Variants in PLXNA4 observed in about 807,000 individuals in gnomAD.
PLXNA4 encodes plexin A4.
A neutral mutation model predicts 191.8 loss-of-function variants in PLXNA4; 44 were observed. The observed-to-expected ratio is 0.23, with a 90% confidence interval of 0.18 to 0.29. PLXNA4 has a LOEUF of 0.29. PLXNA4 is among the 10% of genes least tolerant of loss of function. The pLI is 1.00. For synonymous variants in PLXNA4, 1,082 were observed against 1,009.5 expected (o/e 1.07, Z -1.36); for missense variants, 1,800 against 2,488.8 (o/e 0.72, Z 5.89).
intron 2 of PLXNA4, among the ~76,000 whole-genome samples, chr7:132,610,812 C>T (rs1260320125): frequency 6.6e-6 from 1 of 152,208 alleles, no homozygotes; most frequent in Non-Finnish European, 1.5e-5. Context: ...GAGATAACCA[C>T]CCATATAGCA....
intron 30 of PLXNA4, among the ~76,000 whole-genome samples, chr7:132,136,424 C>G (rs577453404): frequency 6.6e-6 from 1 of 152,236 alleles, no homozygotes; most frequent in Non-Finnish European, 1.5e-5. Flanking sequence ...AGGACCCCTC[C>G]GAGCTGCCCC....
intron 2 of PLXNA4, among the ~76,000 whole-genome samples, chr7:132,626,641 C>G (rs59260094): frequency 0.14 from 21,948 of 152,220 alleles, 1,733 homozygotes; most frequent in African/African-American, 0.17. Context: ...TGTGTAAAAG[C>G]TCCCTGAGCC....
At chr7:132,169,995 C>T (rs992454765) in intron 21 of PLXNA4, among the ~76,000 whole-genome samples, 1 of 151,884 alleles carries the variant, frequency 6.6e-6, no homozygotes, top group African/African-American at 2.4e-5. Flanking sequence ...ACTTCGGAGT[C>T]ACGTCTTGAG....
In PLXNA4 at chr7:132,146,528, G is replaced by C. The variant is rs200438944; in HGVS notation, c.5037C>G (p.Thr1679=). Residue 1679 remains threonine, a synonymous_variant, in exon 28 of 32, where the codon ACC becomes ACG. Transcript: ENST00000321063. ...CTGATACCTTAGTGGCCAGGAGTCG[G>C]GTCAGGTAGATTTCAGACACCATCT... is the stretch of plus-strand genomic sequence containing the variant. ...GSKMVSEIYL[T]RLLATKGTLQ... The C allele has an allele frequency of 1.2e-5, 19 of 1,614,126 alleles. No individual in the cohort carries two copies. The highest frequency in any genetic ancestry group is 1.6e-5 in the Non-Finnish European group (19 of 1,180,036).
intron 4 of PLXNA4, among the ~76,000 whole-genome samples, chr7:132,274,445 C>T (rs1414922094): frequency 2.0e-5 from 3 of 152,106 alleles, no homozygotes; most frequent in African/African-American, 4.8e-5. Context: ...AGGACATTAA[C>T]ACTGGTACAA....
chr7:132,240,846 G>A (rs1991120), intron 5 of PLXNA4, among the ~76,000 whole-genome samples: 108,478 of 152,044 alleles, frequency 0.71, 39,809 homozygotes, highest in African/African-American at 0.9. Context: ...CCATGCCACC[G>A]TTGCCATATA....
rs1426228631 is a variant in PLXNA4 at position 132,592,867 on chromosome 7, T to TA, written c.-87+53060_-87+53061insT. 5.4e-3 allele frequency among the ~76,000 whole-genome samples: 767 copies of TA among 142,866 alleles called. 5 individuals are homozygous for TA. Among genetic ancestry groups the TA allele is most frequent in the African/African-American group, 0.013 (506 of 39,154 alleles). 93.7% of individuals were successfully genotyped at this position (142,866 alleles called of 152,430 possible). On this transcript the variant is annotated intron_variant, in intron 2 of 4. Transcript: ENST00000378539. ...TTTTTTTTCCAGAAGCAAAAAAAAT[T>TA]TAAAAAAAAAAACCCGAAGACCTTG...
chr7:132,160,711 T>C (rs900144388), intron 24 of PLXNA4, among the ~76,000 whole-genome samples: 3 of 152,148 alleles, frequency 2.0e-5, no homozygotes, highest in African/African-American at 7.2e-5. Flanking sequence ...GTCTCTCTCC[T>C]TCTCGGAACT....
At chr7:132,632,480 G>A (rs969220805) in intron 2 of PLXNA4, among the ~76,000 whole-genome samples, 4 of 152,136 alleles carry the variant, frequency 2.6e-5, no homozygotes, top group African/African-American at 9.7e-5. Flanking sequence ...AGCAAATGCT[G>A]GAGCTGAGTG....
At chr7:132,638,084 C>G (rs1441615418) in intron 2 of PLXNA4, among the ~76,000 whole-genome samples, 1 of 152,200 alleles carries the variant, frequency 6.6e-6, no homozygotes, top group Non-Finnish European at 1.5e-5. Context: ...GAAGCCTGGG[C>G]TCTCATCCAC....
chr7:132,329,503 C>T (rs1802507073), intron 3 of PLXNA4, among the ~76,000 whole-genome samples: 1 of 152,222 alleles, frequency 6.6e-6, no homozygotes, highest in South Asian at 2.1e-4. Flanking sequence ...TCACACACTG[C>T]CTGTGCAGAA....
At chr7:132,217,107 G>A (rs1160420046) in intron 9 of PLXNA4, among the ~76,000 whole-genome samples, 5 of 152,160 alleles carry the variant, frequency 3.3e-5, no homozygotes, top group Admixed American at 6.5e-5. Context: ...TGACTCCAGC[G>A]AGCTCCAGGT....
chr7:132,446,619 A>G (rs768526543), intron 3 of PLXNA4, among the ~76,000 whole-genome samples: 2 of 152,224 alleles, frequency 1.3e-5, no homozygotes, highest in Non-Finnish European at 2.9e-5. Context: ...ACTAAGATGC[A>G]TCTTTTAAAC....
chr7:132,458,116 C>G (rs1207736640), intron 3 of PLXNA4, among the ~76,000 whole-genome samples: 2 of 152,128 alleles, frequency 1.3e-5, no homozygotes, highest in Admixed American at 1.3e-4. Flanking sequence ...CGAATATACC[C>G]AGGTGTATCT....
intron 23 of PLXNA4, among the ~76,000 whole-genome samples, chr7:132,164,646 C>A (rs1796047595): frequency 6.6e-6 from 1 of 152,022 alleles, no homozygotes; most frequent in African/African-American, 2.4e-5. Flanking sequence ...AGGCAGAGGT[C>A]AGTCCTGGGT....
In PLXNA4 at chr7:132,159,575, G is replaced by A. The variant is rs1486288824; in HGVS notation, c.4558C>T (p.Leu1520Phe). The change falls in exon 25 of 32, where the codon CTC becomes TTC. Residue 1520 changes from leucine to phenylalanine, a missense_variant. Physicochemically the swap from Leu to Phe is conservative, Grantham distance 22. This residue lies in a region of PLXNA4 where 214 missense variants were observed against 298.2 expected (regional missense o/e 0.72). Transcript: ENST00000321063. ...ACCTGAGTGATGGTGTCACAGTTGA[G>A]GATCTTTACTGGGACCTCGGGGCTG... ...ANSPEVPVKI[L>F]NCDTITQVKE... 6.2e-7 allele frequency: 1 copy of A among 1,614,022 alleles called. No homozygotes were observed. Among genetic ancestry groups the A allele is most frequent in the Non-Finnish European group, 8.5e-7 (1 of 1,180,038 alleles).
rs565149576 is a variant in PLXNA4 at position 132,298,260 on chromosome 7, T to A, written c.1372-38A>T. 6.1e-5 allele frequency: 96 copies of A among 1,586,140 alleles called. No individual in the cohort carries two copies. The South Asian group carries it at 1.1e-3, about 18-fold the overall frequency. ...AGAGGAGAGCCAAAGTGAGTTCAGA[T>A]CCTGCACTGCCCACAGCCAAACTTC... is the stretch of plus-strand genomic sequence containing the variant. On this transcript the variant is annotated intron_variant, in intron 3 of 31. Transcript: ENST00000321063.
In PLXNA4 at chr7:132,126,026, TAAC is replaced by T. The variant is rs1794759883; in HGVS notation, c.*4450_*4452del. 1 of 152,424 alleles carries T rather than the reference TAAC, an allele frequency of 6.6e-6. No homozygotes were observed. The highest frequency in any genetic ancestry group is 1.9e-4 in the East Asian group (1 of 5,178). 9.4% of individuals were successfully genotyped at this position (152,424 alleles called of 1,614,324 possible). ...AGGTGGGAGGTTTGTCCTTGACTGA[TAAC>T]AATACTGGCCCTTTGCTCGGTTAAG... On this transcript the variant is annotated 3_prime_UTR_variant, in exon 32 of 32. Transcript: ENST00000321063.
chr7:132,601,501 T>C (rs1056797163), intron 2 of PLXNA4, among the ~76,000 whole-genome samples: 16 of 152,346 alleles, frequency 1.1e-4, no homozygotes, highest in African/African-American at 3.8e-4. Flanking sequence ...GTGTCTTTTT[T>C]CCTCCCCTTT....
Sources: allele counts gnomAD v4.1 joint callset (sites outside exome capture counted in the v4.1 genomes callset), GRCh38; gene constraint gnomAD v4.1.1; regional missense constraint gnomAD v4.1.1; transcripts MANE v1.5; gene names NCBI Gene and HGNC (gene_info 2026-07-23, HGNC 2026-07-21).